BPTF: variants seen among roughly 807,000 people sequenced by gnomAD.
The protein encoded by BPTF is bromodomain PHD finger transcription factor, also known as nucleosome-remodeling factor subunit BPTF.
Under a neutral mutation model 292.5 loss-of-function variants are expected in BPTF, and 18 were observed. The observed-to-expected ratio is 0.06, with a 90% CI of 0.04 to 0.09. The LOEUF (loss-of-function observed/expected upper bound fraction) is 0.09. BPTF is among the 10% of genes least tolerant of loss of function. The pLI, the probability that BPTF is intolerant of heterozygous loss-of-function variation, is 1.00. For synonymous variants in BPTF, 1,225 were observed against 1,251.9 expected, an observed-to-expected ratio of 0.98 and a Z score of 0.45; for missense variants, 2,726 against 3,498.7, an observed-to-expected ratio of 0.78 and a Z score of 5.57.
intron 4 of BPTF, among the ~76,000 whole-genome samples, chr17:67,878,005 C>T (rs561487927): frequency 3.3e-5 from 5 of 152,324 alleles, no homozygotes; most frequent in Admixed American, 1.3e-4. Context: ...TGGATGTTTA[C>T]GAAGTTAACA....
At chr17:67,872,691 G>C (rs1455184676) in intron 3 of BPTF, among the ~76,000 whole-genome samples, 1 of 152,014 alleles carries the variant, frequency 6.6e-6, no homozygotes, top group Non-Finnish European at 1.5e-5. Context: ...GGGCAACAGA[G>C]TGAGATTCTG....
intron 4 of BPTF, among the ~76,000 whole-genome samples, chr17:67,880,981 G>A (rs1277673871): frequency 7.2e-6 from 1 of 138,514 alleles, no homozygotes; most frequent in African/African-American, 2.8e-5. Context: ...ACACACACAC[G>A]TATATATATT....
intron 15 of BPTF, among the ~76,000 whole-genome samples, chr17:67,926,526 G>A (rs372232080): frequency 6.5e-4 from 99 of 151,542 alleles, no homozygotes; most frequent in Middle Eastern, 6.8e-3. Context: ...GGGTTTCACT[G>A]TGTTAGCCAG....
intron 4 of BPTF, among the ~76,000 whole-genome samples, chr17:67,877,252 A>ATT (rs1367394444): frequency 6.6e-6 from 1 of 152,218 alleles, no homozygotes; most frequent in African/African-American, 2.4e-5. Flanking sequence ...CGGACTTAAT[A>ATT]GAGTTCTGAC....
intron 23 of BPTF, chr17:67,951,562 TTA>T (rs1235735466): frequency 2.5e-4 from 38 of 152,296 alleles, no homozygotes; most frequent in African/African-American, 8.9e-4. Flanking sequence ...TAGTTGTAGT[TTA>T]TATCCTTTAT....
At position 67,825,900 on chromosome 17, in the gene BPTF, C is replaced by A; in HGVS notation, c.176C>A (p.Ala59Glu). Residue 59 changes from alanine to glutamate, a missense_variant, in exon 1 of 28, where the codon GCG (alanine) becomes GAG (glutamate). Physicochemically the swap from Ala to Glu is moderately radical, Grantham distance 107 (BLOSUM62 -1). Transcript: ENST00000306378. ...TGGGCCGCCGCCCAGGCTGAGGTGG[C>A]GCCCAAGACGCGGCTGAGCTCGCCC... The part of the protein sequence containing the change: ...GRWAAAQAEV[A>E]PKTRLSSPRG... 2 of 1,015,806 alleles carry A rather than the reference C, an allele frequency of 2.0e-6. No homozygotes were observed. Among genetic ancestry groups the A allele is most frequent in the Non-Finnish European group, 2.3e-6 (2 of 851,518 alleles). The allele number at this position is 1,015,806 out of a possible 1,614,324, so 62.9% of individuals were successfully genotyped here. A position where few individuals can be genotyped will look rare whatever the true frequency, so the allele number is the denominator to read the frequency against.
At chr17:67,937,177 C>T (rs571150193) in intron 18 of BPTF, among the ~76,000 whole-genome samples, 3 of 152,008 alleles carry the variant, frequency 2.0e-5, no homozygotes, top group East Asian at 1.9e-4. Context: ...AAGTACTGGC[C>T]GGGCGCGATA....
intron 12 of BPTF, 129 bp downstream of exon 12, chr17:67,918,967 TCC>T: frequency 6.9e-6 from 6 of 864,570 alleles, no homozygotes; most frequent in Non-Finnish European, 1.0e-5. Flanking sequence ...GGTCAGGAGA[TCC>T]TGACCATCCT....
chr17:67,962,930 A>G (rs1181398062), intron 24 of BPTF, among the ~76,000 whole-genome samples: 1 of 152,220 alleles, frequency 6.6e-6, no homozygotes, highest in Non-Finnish European at 1.5e-5. Context: ...TAGCCCTGAT[A>G]TTGAAATGGC....
At chr17:67,888,237 T>TAA (rs1212316561) in intron 4 of BPTF, among the ~76,000 whole-genome samples, 1 of 152,164 alleles carries the variant, frequency 6.6e-6, no homozygotes, top group Non-Finnish European at 1.5e-5. Context: ...TTCCCACAGT[T>TAA]ACATCCTGTA....
At chr17:67,919,012 A>G (rs2063241852) in intron 12 of BPTF, among the ~76,000 whole-genome samples, 174 bp downstream of exon 12, 1 of 151,562 alleles carries the variant, frequency 6.6e-6, no homozygotes, top group Admixed American at 6.6e-5. Flanking sequence ...CTCTACTAAA[A>G]ATACAAAAAA....
At chr17:67,843,982 C>G (rs1235511153) in intron 1 of BPTF, among the ~76,000 whole-genome samples, 1 of 149,216 alleles carries the variant, frequency 6.7e-6, no homozygotes, top group Non-Finnish European at 1.5e-5. Context: ...TCAGGCTGGT[C>G]TCAAACTCCT....
chr17:67,879,436 G>A (rs571660563), intron 4 of BPTF, among the ~76,000 whole-genome samples: 6 of 152,284 alleles, frequency 3.9e-5, no homozygotes, highest in South Asian at 4.1e-4. Context: ...CACCGCGCCC[G>A]GCTAGGGCTG....
At position 67,928,352 on chromosome 17, in the gene BPTF, T is replaced by C. The variant is rs1465463112; in HGVS notation, c.5752-3T>C. 4 of 1,597,240 alleles carry C rather than the reference T, an allele frequency of 2.5e-6. No homozygotes were observed. The Admixed American group carries it at 7.3e-5, about 29-fold the overall frequency. ...TCATGTTTCCTCTCCTTCACTTTTT[T>C]AGAAACGACTGGAGCAGCAGAAGCC... On this transcript the variant is annotated splice_region_variant and splice_polypyrimidine_tract_variant and intron_variant, in intron 15 of 27. Transcript: ENST00000306378.
chr17:67,828,597 T>G (rs2056341980), intron 1 of BPTF, among the ~76,000 whole-genome samples: 1 of 152,190 alleles, frequency 6.6e-6, no homozygotes, highest in Admixed American at 6.5e-5. Flanking sequence ...GGCACAATCT[T>G]GGCTCACTGC....
rs532506254 is a variant in BPTF, at chr17:67,896,093, A to G, written c.2543+1928A>G. Among the ~76,000 whole-genome samples the G allele has an allele frequency of 2.1e-4, 32 of 151,960 alleles. No homozygotes were observed. In the South Asian group the frequency reaches 2.7e-3, roughly 13 times the overall value. On this transcript the variant is annotated intron_variant, in intron 7 of 27. Transcript: ENST00000306378. ...TTCTCCTGCCTCAGCCTCCCGAGTA[A>G]CTGGGACTATAGGCACCCACCACTA...
chr17:67,890,115 A>C (rs578251048), intron 4 of BPTF, among the ~76,000 whole-genome samples: 14 of 152,204 alleles, frequency 9.2e-5, no homozygotes, highest in Non-Finnish European at 2.9e-5. Context: ...CCAAAACTGT[A>C]GTAGTGTGAT....
At chr17:67,846,416 A>G (rs1420833461) in intron 1 of BPTF, among the ~76,000 whole-genome samples, 2 of 152,230 alleles carry the variant, frequency 1.3e-5, no homozygotes, top group Non-Finnish European at 2.9e-5. Flanking sequence ...GGGCTGTCCA[A>G]TAGAACTTTT....
chr17:67,844,332 C>CTA (rs1555613836), intron 1 of BPTF, among the ~76,000 whole-genome samples: 2 of 151,254 alleles, frequency 1.3e-5, no homozygotes, highest in Non-Finnish European at 2.9e-5. Flanking sequence ...ACTGCAAGCT[C>CTA]TATCTCCTAG....
Sources: gnomAD v4.1 joint callset for allele counts (sites outside exome capture counted in the v4.1 genomes callset) on GRCh38, gnomAD v4.1.1 for gene constraint, MANE v1.5 for transcripts, NCBI Gene and HGNC (gene_info 2026-07-23, HGNC 2026-07-21) for gene names.